CCDC39: variants seen among roughly 807,000 people sequenced by gnomAD.
The protein encoded by CCDC39 is coiled-coil domain-containing protein 39.
Under a neutral mutation model 121.0 loss-of-function variants are expected in CCDC39, and 113 were observed. That is an observed-to-expected ratio of 0.93 (90% CI 0.80 to 1.09). The LOEUF is 1.09. CCDC39 is among the 50% of genes least tolerant of loss of function. The probability of loss-of-function intolerance (pLI) is 0.00; values close to 1 mark genes in which losing one functional copy is unlikely to be tolerated. For synonymous variants in CCDC39, 349 were observed against 352.2 expected, an observed-to-expected ratio of 0.99 and a Z score of 0.10; for missense variants, 1,063 against 1,074.7, an observed-to-expected ratio of 0.99 and a Z score of 0.15.
chr3:180,676,862 A>T (rs181469075), intron 1 of CCDC39, among the ~76,000 whole-genome samples: 2 of 152,078 alleles, frequency 1.3e-5, no homozygotes, highest in East Asian at 3.9e-4. Flanking sequence ...GGAGCTGGAA[A>T]CTATCATTCT....
rs7627857 is a variant in CCDC39 at position 180,650,077 on chromosome 3, A to C, written c.1167+1324T>G. 0.15 allele frequency among the ~76,000 whole-genome samples: 23,161 copies of C among 152,106 alleles called. 3,502 individuals are homozygous for C. The highest frequency in any genetic ancestry group is 0.39 in the African/African-American group (16,339 of 41,428). On this transcript the variant is annotated intron_variant, in intron 9 of 19. Transcript: ENST00000476379. ...ATTGGGAGATTTTGCCACCATCTTC[A>C]ACTACCCCTTTTTCAACCCCCCCAA... is the stretch of plus-strand genomic sequence containing the variant.
chr3:180,652,554 C>G (rs1002196080), intron 7 of CCDC39, among the ~76,000 whole-genome samples: 2 of 151,998 alleles, frequency 1.3e-5, no homozygotes, highest in Admixed American at 6.6e-5. Context: ...GAGCACATCC[C>G]CAAAGTCCAG....
chr3:180,632,023 G>A (rs1341257632), intron 13 of CCDC39, among the ~76,000 whole-genome samples: 1 of 152,128 alleles, frequency 6.6e-6, no homozygotes, highest in African/African-American at 2.4e-5. Flanking sequence ...CATCCCATGG[G>A]AGCAAGAAGG....
chr3:180,664,289 GA>G (rs1202669068), intron 1 of CCDC39, among the ~76,000 whole-genome samples: 1 of 152,090 alleles, frequency 6.6e-6, no homozygotes, highest in African/African-American at 2.4e-5. Flanking sequence ...GACAGAGAAA[GA>G]GATCATCTCC....
At chr3:180,669,087 A>G (rs960316788) in intron 1 of CCDC39, among the ~76,000 whole-genome samples, 1 of 152,196 alleles carries the variant, frequency 6.6e-6, no homozygotes, top group Non-Finnish European at 1.5e-5. Context: ...TTCAAAACAA[A>G]TAGCAATAGA....
Position 180,660,661 on chromosome 3 carries a change from G to A in CCDC39, c.425C>T (p.Ala142Val), listed in dbSNP as rs1711721023. The change falls in exon 4 of 20, where the codon GCA becomes GTA. Residue 142 changes from alanine to valine, a missense_variant. Ala to Val is a moderately conservative substitution (Grantham distance 64, BLOSUM62 0). Transcript: ENST00000476379. ...LKCQMNWDQQ[A>V]LEAWLEESAH... ...TGATTCTTCTAACCAGGCCTCCAAT[G>A]CTTGCTGGTCCCAGTTCATTTGACA... The A allele has an allele frequency of 5.0e-6, 8 of 1,603,250 alleles. No individual in the cohort carries two copies. Among genetic ancestry groups the A allele is most frequent in the Non-Finnish European group, 6.8e-6 (8 of 1,174,080 alleles).
intron 1 of CCDC39, among the ~76,000 whole-genome samples, chr3:180,677,209 T>G (rs1352349578): frequency 1.9e-5 from 2 of 105,666 alleles, no homozygotes; most frequent in African/African-American, 3.4e-5. Context: ...TATATATATA[T>G]ATATATAAAA....
Position 180,644,115 on chromosome 3 carries a change from T to A in CCDC39, c.1665+5A>T, listed in dbSNP as rs560658609. On this transcript the variant is annotated splice_donor_5th_base_variant and intron_variant, in intron 12 of 19. Coordinates refer to ENST00000476379, the MANE Select transcript of CCDC39 (RefSeq NM_181426.2). ...ATACTACATATGCATACAATTTTAC[T>A]GCACCTGCTTAAAACCTTTGGCTTT... The A allele has an allele frequency of 2.0e-6, 3 of 1,536,696 alleles. No individual in the cohort carries two copies. Among genetic ancestry groups the A allele is most frequent in the Admixed American group, 2.1e-5 (1 of 48,576 alleles).
At chr3:180,650,818 C>G (rs992319439) in intron 9 of CCDC39, among the ~76,000 whole-genome samples, 6 of 151,450 alleles carry the variant, frequency 4.0e-5, no homozygotes, top group African/African-American at 1.5e-4. Context: ...GATCATGTCA[C>G]TGCACTCCAG....
At chr3:180,670,422 G>C (rs553463710) in intron 1 of CCDC39, among the ~76,000 whole-genome samples, 1 of 152,066 alleles carries the variant, frequency 6.6e-6, no homozygotes, top group Non-Finnish European at 1.5e-5. Flanking sequence ...AAGAAGAAAA[G>C]AAAGGTCTTT....
intron 13 of CCDC39, among the ~76,000 whole-genome samples, chr3:180,640,563 G>A (rs757712581): frequency 1.3e-5 from 2 of 151,902 alleles, no homozygotes; most frequent in African/African-American, 2.4e-5. Flanking sequence ...TACCCCAAAA[G>A]AATGCACAAA....
chr3:180,629,563 T>C (rs1717646246), intron 14 of CCDC39, among the ~76,000 whole-genome samples: 1 of 152,226 alleles, frequency 6.6e-6, no homozygotes, highest in African/African-American at 2.4e-5. Flanking sequence ...CACCCATGGT[T>C]TGCTTTTCTC....
intron 16 of CCDC39, among the ~76,000 whole-genome samples, chr3:180,618,183 C>T (rs750148014): frequency 3.9e-5 from 6 of 152,104 alleles, no homozygotes; most frequent in Non-Finnish European, 5.9e-5. Context: ...GTGACAAAAT[C>T]GCCCAAGGAT....
intron 7 of CCDC39, among the ~76,000 whole-genome samples, chr3:180,653,129 A>G (rs913485156): frequency 1.3e-5 from 2 of 152,222 alleles, no homozygotes; most frequent in Non-Finnish European, 2.9e-5. Flanking sequence ...CACTTGTGTC[A>G]AACCCTGACA....
In CCDC39 at chr3:180,647,133, C is replaced by T; in HGVS notation, c.1473G>A (p.Leu491=). ...GGCCACATGTAGATTTTTTCTCTTC[C>T]AAAGACTTCCTAAGTTCAACAATTT... ...EAKIVELRKS[L]EEKKSTCGLL... is the part of the protein sequence containing the mutation. The change falls in exon 11 of 20, where the codon TTG becomes TTA. Residue 491 remains leucine (L), a synonymous_variant. Coordinates refer to ENST00000476379, the MANE Select transcript of CCDC39 (RefSeq NM_181426.2). 2 of 1,610,596 alleles carry T rather than the reference C, an allele frequency of 1.2e-6. No individual in the cohort carries two copies. The highest frequency in any genetic ancestry group is 1.7e-6 in the Non-Finnish European group (2 of 1,178,710).
intron 13 of CCDC39, among the ~76,000 whole-genome samples, chr3:180,638,100 A>G (rs1288159449): frequency 6.6e-6 from 1 of 152,142 alleles, no homozygotes; most frequent in Non-Finnish European, 1.5e-5. Flanking sequence ...TAAAACTGAA[A>G]GAGCTCCAGG....
At chr3:180,678,585 C>T (rs1256800857) in intron 1 of CCDC39, among the ~76,000 whole-genome samples, 2 of 151,662 alleles carry the variant, frequency 1.3e-5, no homozygotes, top group Non-Finnish European at 2.9e-5. Context: ...TTACTCCTGG[C>T]TTTTAGGGTT....
rs1284725454 is a variant in CCDC39 at position 180,652,287 on chromosome 3, A to G, written c.931-21T>C. On this transcript the variant is annotated intron_variant, in intron 7 of 19. Coordinates refer to ENST00000476379, the MANE Select transcript of CCDC39 (RefSeq NM_181426.2). The stretch of plus-strand genomic sequence containing the variant: ...TCCAGCTATTTATTAGTTAACAGAC[A>G]GAAATTATATATTTACTCTGTATCT... 1.1e-5 allele frequency: 14 copies of G among 1,318,714 alleles called. No homozygotes were observed. The South Asian group carries it at 1.5e-4, about 14-fold the overall frequency. 81.7% of individuals were successfully genotyped at this position (1,318,714 alleles called of 1,614,324 possible). A position where few individuals can be genotyped will look rare whatever the true frequency, so the allele number is the denominator to read the frequency against.
At chr3:180,629,268 A>G (rs1717638115) in intron 14 of CCDC39, among the ~76,000 whole-genome samples, 2 of 152,224 alleles carry the variant, frequency 1.3e-5, no homozygotes, top group Non-Finnish European at 1.5e-5. Flanking sequence ...GATGCAAAAC[A>G]TATTAATATA....
Sources: allele counts gnomAD v4.1 joint callset (sites outside exome capture counted in the v4.1 genomes callset), GRCh38; gene constraint gnomAD v4.1.1; transcripts MANE v1.5; gene names NCBI Gene and HGNC (gene_info 2026-07-23, HGNC 2026-07-21).